ANO2: variants seen among roughly 807,000 people sequenced by gnomAD.
The protein encoded by ANO2 is anoctamin-2.
In ANO2, 101 loss-of-function variants were observed where a neutral mutation model predicts 124.2. The observed-to-expected ratio is 0.81, with a 90% CI of 0.69 to 0.96. ANO2 has a LOEUF of 0.96. Among genes scored for constraint, ANO2 ranks in the 40% least tolerant of loss-of-function variants. The pLI is 0.00. For synonymous variants in ANO2, 486 were observed against 482.5 expected, an observed-to-expected ratio of 1.01 and a Z score of -0.09; for missense variants, 1,293 against 1,274.5, an observed-to-expected ratio of 1.01 and a Z score of -0.22.
At chr12:5,574,839 T>C (rs1942311655) in intron 23 of ANO2, among the ~76,000 whole-genome samples, 1 of 152,234 alleles carries the variant, frequency 6.6e-6, no homozygotes, top group Admixed American at 6.5e-5. Context: ...TGCATCACAT[T>C]CTAATTCCCG....
chr12:5,844,687 T>C (rs954439723), intron 4 of ANO2, among the ~76,000 whole-genome samples: 1 of 152,156 alleles, frequency 6.6e-6, no homozygotes, highest in Non-Finnish European at 1.5e-5. Context: ...AAAATGACCA[T>C]TGAAATCTGT....
rs141925646 is a variant in ANO2, at chr12:5,835,494, T to C, written c.634-2891A>G. Among the ~76,000 whole-genome samples, 228 of 152,336 alleles carry C rather than the reference T, an allele frequency of 1.5e-3. 1 individual carries two copies. Among genetic ancestry groups the C allele is most frequent in the African/African-American group, 5.1e-3 (212 of 41,578 alleles). ...GAAACAAGGAGACTGTTGATTCTAGTAGCATATACGATTTACTAAGCATCT... is the reference window on the plus strand; with the variant it reads ...GAAACAAGGAGACTGTTGATTCTAGCAGCATATACGATTTACTAAGCATCT... On this transcript the variant is annotated intron_variant, in intron 4 of 24. Transcript: ENST00000682330.
In ANO2 at chr12:5,867,765, C is replaced by T. The variant is rs75581493; in HGVS notation, c.535-13624G>A. 3.6e-3 allele frequency among the ~76,000 whole-genome samples: 381 copies of T among 106,550 alleles called. 13 individuals are homozygous for T. The East Asian group carries it at 0.079, about 22-fold the overall frequency. The allele number at this position is 106,550 out of a possible 152,430, so 69.9% of individuals were successfully genotyped here. A position where few individuals can be genotyped will look rare whatever the true frequency, so the allele number is the denominator to read the frequency against. ...ACTAATCAGGGACACAGAAAAAGAC[C>T]TAGCACTATAATGAAAAAAAAAAAA... On this transcript the variant is annotated intron_variant, in intron 3 of 24. Transcript: ENST00000682330.
chr12:5,837,865 A>G (rs1954380215), intron 4 of ANO2, among the ~76,000 whole-genome samples: 1 of 152,016 alleles, frequency 6.6e-6, no homozygotes, highest in Non-Finnish European at 1.5e-5. Flanking sequence ...CTAAAATCAG[A>G]GCAGAACTGA....
At chr12:5,802,055 C>G (rs1953058143) in intron 9 of ANO2, among the ~76,000 whole-genome samples, 1 of 152,180 alleles carries the variant, frequency 6.6e-6, no homozygotes, top group Non-Finnish European at 1.5e-5. Flanking sequence ...AAATTCCTCC[C>G]CAAGTCATAT....
chr12:5,625,234 A>G (rs1041974296), intron 16 of ANO2, among the ~76,000 whole-genome samples: 2 of 152,172 alleles, frequency 1.3e-5, no homozygotes, highest in African/African-American at 4.8e-5. Flanking sequence ...AAGCAGACAG[A>G]CAAATTGTGA....
chr12:5,946,037 A>G, upstream of ANO2: 2 of 1,307,060 alleles, frequency 1.5e-6, no homozygotes, highest in South Asian at 1.3e-5. The surrounding 1 kb of genome is among the most constrained non-coding windows in gnomAD (Gnocchi z 4.1). Flanking sequence ...CTTCTGCACG[A>G]TGGAATCTGC....
chr12:5,860,019 C>A (rs1489407616), intron 3 of ANO2, among the ~76,000 whole-genome samples: 2 of 152,158 alleles, frequency 1.3e-5, no homozygotes, highest in African/African-American at 4.8e-5. Flanking sequence ...AACTCAACAG[C>A]AAGCCCGATA....
chr12:5,746,963 A>G (rs1012326673), intron 11 of ANO2, among the ~76,000 whole-genome samples: 2 of 152,252 alleles, frequency 1.3e-5, no homozygotes, highest in Admixed American at 1.3e-4. Context: ...GGTATCATGC[A>G]CGCATGGAAG....
intron 10 of ANO2, among the ~76,000 whole-genome samples, chr12:5,792,552 T>C (rs1952728759): frequency 6.6e-6 from 1 of 152,196 alleles, no homozygotes; most frequent in Non-Finnish European, 1.5e-5. Flanking sequence ...TTCTGAGAAT[T>C]CGAGGGGTCT....
rs35224024 is a variant in ANO2, at chr12:5,638,237, C to CTTTTTTTTTTTTTTTTT, written c.1621-2891_1621-2890insAAAAAAAAAAAAAAAAA. Among the ~76,000 whole-genome samples the CTTTTTTTTTTTTTTTTT allele has an allele frequency of 8.8e-5, 11 of 124,846 alleles. 3 individuals carry two copies. Among genetic ancestry groups the CTTTTTTTTTTTTTTTTT allele is most frequent in the African/African-American group, 1.2e-4 (4 of 34,056 alleles). The allele number at this position is 124,846 out of a possible 152,430, so 81.9% of individuals were successfully genotyped here. On this transcript the variant is annotated intron_variant, in intron 15 of 24. Coordinates refer to ENST00000682330, the MANE Select transcript of ANO2 (RefSeq NM_001364791.2). ...ATCTTCACTAGCACTGTTTCTTTTC[C>CTTTTTTTTTTTTTTTTT]TTTTTTTTTTTTTTTTGAGACGGAG...
At chr12:5,877,922 G>A (rs1938220512) in intron 3 of ANO2, among the ~76,000 whole-genome samples, 1 of 152,228 alleles carries the variant, frequency 6.6e-6, no homozygotes. Context: ...GATGGGGAGT[G>A]GCTGTAAATA....
In ANO2 at chr12:5,612,774, G is replaced by A. The variant is rs377764730; in HGVS notation, c.1987-18C>T. 5.5e-5 allele frequency: 89 copies of A among 1,613,300 alleles called. 1 individual carries two copies. The African/African-American group carries it at 9.2e-4, about 17-fold the overall frequency. On this transcript the variant is annotated intron_variant, in intron 18 of 24. Coordinates refer to ENST00000682330, the MANE Select transcript of ANO2 (RefSeq NM_001364791.2). ...GGAGCACACTGCAGGGAGAAGATAA[G>A]GAAAGGACCGGTTAGAACAAAAGGG...
At chr12:5,744,787 G>T (rs3782643) in intron 11 of ANO2, among the ~76,000 whole-genome samples, 17,443 of 152,108 alleles carry the variant, frequency 0.11, 1,084 homozygotes, top group Admixed American at 0.17. Flanking sequence ...AAACAAACAC[G>T]AGTGTGTGGC....
chr12:5,710,955 G>A (rs918970285), intron 14 of ANO2, among the ~76,000 whole-genome samples: 4 of 152,024 alleles, frequency 2.6e-5, no homozygotes, highest in South Asian at 2.1e-4. Flanking sequence ...TCAGGAGATC[G>A]AGACCATCCT....
In ANO2 at chr12:5,941,031, C is replaced by T. The variant is rs1164681597; in HGVS notation, c.22+4165G>A. ...GCCACACATTGTATGGTTCCATTTA[C>T]ATAAAATGTGTAGAATAGGCATATC... is the stretch of plus-strand genomic sequence containing the variant. On this transcript the variant is annotated intron_variant, in intron 1 of 24. Coordinates refer to ENST00000682330, the MANE Select transcript of ANO2 (RefSeq NM_001364791.2). Among the ~76,000 whole-genome samples, 12 of 152,280 alleles carry T rather than the reference C, an allele frequency of 7.9e-5. No individual in the cohort carries two copies. The East Asian group carries it at 2.1e-3, about 27-fold the overall frequency.
At chr12:5,670,952 A>G (rs1947968310) in intron 14 of ANO2, among the ~76,000 whole-genome samples, 1 of 152,202 alleles carries the variant, frequency 6.6e-6, no homozygotes, top group Non-Finnish European at 1.5e-5. Context: ...AGGTTTCCAC[A>G]GAATGTTAGA....
At chr12:5,893,783 T>C (rs1939578577) in intron 3 of ANO2, among the ~76,000 whole-genome samples, 1 of 152,184 alleles carries the variant, frequency 6.6e-6, no homozygotes, top group African/African-American at 2.4e-5. Flanking sequence ...GAATGATGGT[T>C]TCAAACTTCA....
chr12:5,806,372 T>G (rs1953193145), intron 8 of ANO2, among the ~76,000 whole-genome samples: 1 of 152,140 alleles, frequency 6.6e-6, no homozygotes, highest in South Asian at 2.1e-4. Context: ...ATGGCAGAGC[T>G]CCAGACTTTA....
Sources: allele counts gnomAD v4.1 joint callset (sites outside exome capture counted in the v4.1 genomes callset), GRCh38; gene constraint gnomAD v4.1.1; non-coding constraint Gnocchi (gnomAD v3.1); transcripts MANE v1.5; gene names NCBI Gene and HGNC (gene_info 2026-07-23, HGNC 2026-07-21).